The following HIPK3 variants were observed in gnomAD, a reference collection of about 807,000 sequenced individuals.
The protein encoded by HIPK3 is homeodomain-interacting protein kinase 3.
A neutral mutation model predicts 124.2 loss-of-function variants in HIPK3; 47 were observed. The observed-to-expected ratio is 0.38, with a 90% CI of 0.30 to 0.48. The LOEUF (loss-of-function observed/expected upper bound fraction) is 0.48, where lower values mean the gene tolerates loss of function less well. Ranked by LOEUF, HIPK3 falls within the 20% of genes least tolerant of loss-of-function variation. The pLI, the probability that HIPK3 is intolerant of heterozygous loss-of-function variation, is 0.98. For missense variants in HIPK3, 1,286 were observed against 1,454.3 expected (o/e 0.88, Z 1.88); for synonymous variants, 482 against 515.2 (o/e 0.94, Z 0.87).
At position 33,287,120 on chromosome 11, in the gene HIPK3, C is replaced by T. The variant is rs765907964; in HGVS notation, c.706C>T (p.Arg236Cys). Reference protein sequence around the residue: ...KILKNHPSYARQGQIEVSILA... With the variant: ...KILKNHPSYACQGQIEVSILA... The stretch of plus-strand genomic sequence containing the variant: ...TTTGAAGAATCATCCTTCTTATGCC[C>T]GTCAAGGTCAAATAGAAGTGAGCAT... The change falls in exon 2 of 17, where the codon CGT becomes TGT. Residue 236 changes from arginine (R) to cysteine (C), a missense_variant. By Grantham distance (180) the Arg-to-Cys change is radical. Transcript: ENST00000303296. 3.8e-5 allele frequency: 62 copies of T among 1,613,916 alleles called. No individual in the cohort carries two copies. In the South Asian group the frequency reaches 4.5e-4, roughly 12 times the overall value.
intron 2 of HIPK3, among the ~76,000 whole-genome samples, chr11:33,289,734 T>C (rs1324372443): frequency 6.6e-6 from 1 of 152,174 alleles, no homozygotes; most frequent in Non-Finnish European, 1.5e-5. Context: ...GGTCACTCTG[T>C]TGTGCTATCA....
At chr11:33,281,058 C>CTTTTTTTTTTTTTTTTTTTTTTT (rs56902582) in intron 1 of HIPK3, among the ~76,000 whole-genome samples, 3 of 111,808 alleles carry the variant, frequency 2.7e-5, no homozygotes, top group African/African-American at 3.5e-5. Context: ...ACTTATTTGA[C>CTTTTTTTTTTTTTTTTTTTTTTT]TTTTTTTTTT....
intron 2 of HIPK3, among the ~76,000 whole-genome samples, chr11:33,299,061 G>T (rs1489163895): frequency 6.6e-6 from 1 of 151,678 alleles, no homozygotes; most frequent in African/African-American, 2.4e-5. Context: ...TGGCCAGGCT[G>T]GTCTTGAACC....
rs193257834 is a variant in HIPK3, at chr11:33,325,748, A to T, written c.1098-2762A>T. Among the ~76,000 whole-genome samples, 20 of 152,366 alleles carry T rather than the reference A, an allele frequency of 1.3e-4. No individual in the cohort carries two copies. In the East Asian group the frequency reaches 3.9e-3, roughly 29 times the overall value. On this transcript the variant is annotated intron_variant, in intron 2 of 16. Transcript: ENST00000303296. Reference sequence around the variant, plus strand: ...CTAGGTACACAAATAATGAACAAAAAGGGATAAGGTCTCCATCTTTGATAG... The same window carrying T: ...CTAGGTACACAAATAATGAACAAAATGGGATAAGGTCTCCATCTTTGATAG...
At chr11:33,273,721 A>C (rs1254563704) in intron 1 of HIPK3, among the ~76,000 whole-genome samples, 4 of 152,170 alleles carry the variant, frequency 2.6e-5, no homozygotes, top group Non-Finnish European at 5.9e-5. Flanking sequence ...TGGAAAATAG[A>C]AACAGTTGAC....
chr11:33,297,373 T>A (rs1851870501), intron 2 of HIPK3, among the ~76,000 whole-genome samples: 1 of 152,174 alleles, frequency 6.6e-6, no homozygotes, highest in Non-Finnish European at 1.5e-5. Context: ...GGATTACAGA[T>A]GTGAGCCACC....
At chr11:33,319,315 T>C (rs1472517727) in intron 2 of HIPK3, among the ~76,000 whole-genome samples, 1 of 152,162 alleles carries the variant, frequency 6.6e-6, no homozygotes, top group Admixed American at 6.5e-5. Context: ...GCCAATATTG[T>C]GAAACCCCAT....
chr11:33,294,047 A>G (rs1851771689), intron 2 of HIPK3, among the ~76,000 whole-genome samples: 2 of 151,766 alleles, frequency 1.3e-5, no homozygotes, highest in Admixed American at 6.6e-5. Context: ...GGCACGTGTC[A>G]GGAAGCTGAG....
intron 1 of HIPK3, among the ~76,000 whole-genome samples, chr11:33,283,590 G>A (rs1023306871): frequency 5.3e-5 from 8 of 152,122 alleles, no homozygotes; most frequent in Non-Finnish European, 1.0e-4. Context: ...TTATCTGAAA[G>A]GTGGTACGTT....
At chr11:33,311,714 A>G (rs892101538) in intron 2 of HIPK3, among the ~76,000 whole-genome samples, 1 of 151,992 alleles carries the variant, frequency 6.6e-6, no homozygotes, top group African/African-American at 2.4e-5. Context: ...GTTTTTAAAG[A>G]GTTGAAGTCT....
chr11:33,268,861 TAATTCTA>T (rs1851047891), intron 1 of HIPK3, among the ~76,000 whole-genome samples: 1 of 152,132 alleles, frequency 6.6e-6, no homozygotes, highest in Non-Finnish European at 1.5e-5. Context: ...GATTTTGCAT[TAATTCTA>T]TTGGAAGAAA....
chr11:33,325,034 C>T (rs961669779), intron 2 of HIPK3, among the ~76,000 whole-genome samples: 1 of 152,202 alleles, frequency 6.6e-6, no homozygotes, highest in Non-Finnish European at 1.5e-5. Flanking sequence ...CTTGAATTTG[C>T]TTCTGTGAGT....
intron 3 of HIPK3, among the ~76,000 whole-genome samples, chr11:33,330,895 C>G (rs1306093334): frequency 2.0e-5 from 2 of 102,324 alleles, no homozygotes; most frequent in South Asian, 5.7e-4. Context: ...TTTTCTTTTT[C>G]TTTTTTGAGA....
In HIPK3 at chr11:33,348,481, ATTT is replaced by A. The variant is rs757728184; in HGVS notation, c.2370-39_2370-37del. 3.4e-6 allele frequency: 5 copies of A among 1,477,946 alleles called. No homozygotes were observed. In the East Asian group the frequency reaches 1.2e-4, roughly 36 times the overall value. The allele number at this position is 1,477,946 out of a possible 1,614,324, so 91.6% of individuals were successfully genotyped here. On this transcript the variant is annotated intron_variant, in intron 12 of 16. Transcript: ENST00000303296. Reference sequence around the variant, plus strand: ...ATACCTTAGACAATTGATTATACATATTTTGATTATAGAAATTATAAATTATTC... The same window carrying A: ...ATACCTTAGACAATTGATTATACATATGATTATAGAAATTATAAATTATTC...
intron 14 of HIPK3, among the ~76,000 whole-genome samples, chr11:33,350,666 C>T (rs1195808001): frequency 1.3e-5 from 2 of 151,576 alleles, no homozygotes; most frequent in Non-Finnish European, 2.9e-5. Context: ...AGAGTAAGAC[C>T]CTATCTCTTA....
At position 33,257,391 on chromosome 11, in the gene HIPK3, G is replaced by A. The variant is rs1850693568; in HGVS notation, c.-501G>A. 8.1e-6 allele frequency: 8 copies of A among 985,102 alleles called. No individual in the cohort carries two copies. The highest frequency in any genetic ancestry group is 1.1e-4 in the East Asian group (1 of 8,788). 61.0% of individuals were successfully genotyped at this position (985,102 alleles called of 1,614,324 possible). ...GAGGCTGGGGCGGCTGGTGGCAGCT[G>A]CCTCAGTGACGACTGCCGGCATCGC... On this transcript the variant is annotated 5_prime_UTR_variant, in exon 1 of 17. Transcript: ENST00000303296.
intron 2 of HIPK3, among the ~76,000 whole-genome samples, chr11:33,308,469 T>A (rs1852228465): frequency 6.6e-6 from 1 of 152,250 alleles, no homozygotes; most frequent in Non-Finnish European, 1.5e-5. Flanking sequence ...TTTAATTACA[T>A]CATTCCATTT....
intron 2 of HIPK3, among the ~76,000 whole-genome samples, chr11:33,312,486 A>T (rs574439393): frequency 2.0e-5 from 3 of 152,186 alleles, no homozygotes; most frequent in Non-Finnish European, 2.9e-5. Flanking sequence ...GTATTTGGGG[A>T]GCATTATGTC....
At chr11:33,257,209 G>A (rs1265515370), upstream of HIPK3, 1 of 983,216 alleles carries the variant, frequency 1.0e-6, no homozygotes, top group East Asian at 1.1e-4. Flanking sequence ...ACAAGGGCGC[G>A]GCTGCGGACT....
Sources: gnomAD v4.1 joint callset for allele counts (sites outside exome capture counted in the v4.1 genomes callset) on GRCh38, gnomAD v4.1.1 for gene constraint, MANE v1.5 for transcripts, NCBI Gene and HGNC (gene_info 2026-07-23, HGNC 2026-07-21) for gene names.